Variants in PHACTR2 observed in about 807,000 individuals in gnomAD.
PHACTR2 encodes chromosome 6 open reading frame 56.
In PHACTR2, 30 loss-of-function variants were observed where a neutral mutation model predicts 76.0. That is an observed-to-expected ratio of 0.39 (90% CI 0.30 to 0.54). The LOEUF (loss-of-function observed/expected upper bound fraction) is 0.54, where lower values mean the gene tolerates loss of function less well. PHACTR2 is among the 20% of genes least tolerant of loss of function. The probability of loss-of-function intolerance (pLI) is 0.61; values close to 1 mark genes in which losing one functional copy is unlikely to be tolerated. For synonymous variants in PHACTR2, 292 were observed against 292.5 expected (o/e 1.00, Z 0.02); for missense variants, 696 against 781.1 (o/e 0.89, Z 1.30).
Position 143,663,505 on chromosome 6 carries a change from AT to A in PHACTR2, c.14-48508del, listed in dbSNP as rs751239982. 3.3e-5 allele frequency among the ~76,000 whole-genome samples: 5 copies of A among 151,196 alleles called. No homozygotes were observed. The highest frequency in any genetic ancestry group is 7.4e-5 in the Non-Finnish European group (5 of 67,798). On this transcript the variant is annotated intron_variant, in intron 1 of 11. Coordinates refer to the PHACTR2 transcript ENST00000305766. The surrounding 1 kb of genome is among the most constrained non-coding windows in gnomAD (Gnocchi z 4.1). ...TTATCATTTAATATTGACCTAATTCATTTGTGTGATTATCTTTCCCTGAATA... is the reference window on the plus strand; with the variant it reads ...TTATCATTTAATATTGACCTAATTCATTGTGTGATTATCTTTCCCTGAATA...
chr6:143,584,318 G>A (rs937199564), intron 1 of PHACTR2, among the ~76,000 whole-genome samples: 11 of 152,184 alleles, frequency 7.2e-5, no homozygotes, highest in African/African-American at 4.8e-5. Context: ...TTGCGTCTCC[G>A]AGTGTTGGAT....
intron 6 of PHACTR2, among the ~76,000 whole-genome samples, chr6:143,766,887 T>G (rs1779575213): frequency 6.6e-6 from 1 of 152,222 alleles, no homozygotes; most frequent in South Asian, 2.1e-4. Flanking sequence ...CAATGATAAA[T>G]TCTGTCTGGC....
intron 2 of PHACTR2, among the ~76,000 whole-genome samples, chr6:143,746,472 G>A (rs1373575170): frequency 6.6e-6 from 1 of 152,174 alleles, no homozygotes; most frequent in Non-Finnish European, 1.5e-5. Flanking sequence ...CGATCCCTAG[G>A]CCAGCGGCAC....
At position 143,596,812 on chromosome 6, in the gene PHACTR2, T is replaced by C. The variant is rs1775760888; in HGVS notation, c.217+59605T>C. On this transcript the variant is annotated intron_variant, in intron 1 of 11. Transcript: ENST00000367584. This position sits in a 1 kb window ranked among gnomAD's most constrained non-coding sequence, Gnocchi z 4.6. ...GTGATCGTGCCACAGCATTCCAGCTTGAGTGACAGAGTGAGACCTCATCTC... is the reference window on the plus strand; with the variant it reads ...GTGATCGTGCCACAGCATTCCAGCTCGAGTGACAGAGTGAGACCTCATCTC... 6.6e-6 allele frequency among the ~76,000 whole-genome samples: 1 copy of C among 152,090 alleles called. No individual in the cohort carries two copies. The highest frequency in any genetic ancestry group is 1.5e-5 in the Non-Finnish European group (1 of 68,010).
chr6:143,682,059 C>A (rs548809768), intron 1 of PHACTR2, among the ~76,000 whole-genome samples: 61 of 152,262 alleles, frequency 4.0e-4, no homozygotes, highest in Middle Eastern at 3.4e-3. Flanking sequence ...GGTTCCCTTA[C>A]ATTTTCATAT....
At position 143,656,173 on chromosome 6, in the gene PHACTR2, T is replaced by C. The variant is rs1562260963; in HGVS notation, c.13+47851T>C. ...GGCGCAGAGACTTCTAGCAGGGTTG[T>C]CTGGTGGGACATGCCCTGGGATATG... On this transcript the variant is annotated intron_variant, in intron 1 of 11. Coordinates refer to the PHACTR2 transcript ENST00000305766. The surrounding 1 kb of genome is among the most constrained non-coding windows in gnomAD (Gnocchi z 5.3). 6.6e-6 allele frequency among the ~76,000 whole-genome samples: 1 copy of C among 152,204 alleles called. No individual in the cohort carries two copies. Among genetic ancestry groups the C allele is most frequent in the African/African-American group, 2.4e-5 (1 of 41,452 alleles).
At position 143,784,837 on chromosome 6, in the gene PHACTR2, A is replaced by T. The variant is rs570178465; in HGVS notation, c.1707+1557A>T. ...ACTGGAAACCCCTGATAAACACATC[A>T]GATCTTGTGAGACTTTTTGACTATC... On this transcript the variant is annotated intron_variant, in intron 10 of 12. Coordinates refer to ENST00000440869, the MANE Select transcript of PHACTR2 (RefSeq NM_001100164.2). The surrounding 1 kb of genome is among the most constrained non-coding windows in gnomAD (Gnocchi z 4.5). 6.6e-6 allele frequency among the ~76,000 whole-genome samples: 1 copy of T among 152,328 alleles called. No individual in the cohort carries two copies. The highest frequency in any genetic ancestry group is 2.1e-4 in the South Asian group (1 of 4,822).
intron 1 of PHACTR2, among the ~76,000 whole-genome samples, chr6:143,575,687 C>T (rs1006288287): frequency 1.3e-5 from 2 of 152,198 alleles, no homozygotes; most frequent in Admixed American, 6.5e-5. Context: ...GTACTAAAGT[C>T]CTTGAGAAGC....
chr6:143,677,159 A>G (rs765986246), upstream of PHACTR2, among the ~76,000 whole-genome samples: 1 of 152,134 alleles, frequency 6.6e-6, no homozygotes, highest in Non-Finnish European at 1.5e-5. Flanking sequence ...ACATCCAGTA[A>G]CCACCATCCA....
chr6:143,559,649 A>T (rs1436974674), intron 1 of PHACTR2, among the ~76,000 whole-genome samples: 1 of 143,056 alleles, frequency 7.0e-6, no homozygotes, highest in African/African-American at 2.6e-5. Flanking sequence ...TTATTTTCTA[A>T]TACTAGAAAT....
rs76978653 is a variant in PHACTR2 at position 143,807,782 on chromosome 6, G to A, written c.1922+649G>A. Among the ~76,000 whole-genome samples the A allele has an allele frequency of 0.014, 2,159 of 152,172 alleles. 49 individuals carry two copies. Among genetic ancestry groups the A allele is most frequent in the African/African-American group, 0.048 (1,990 of 41,494 alleles). On this transcript the variant is annotated intron_variant, in intron 12 of 12. Coordinates refer to ENST00000440869, the MANE Select transcript of PHACTR2 (RefSeq NM_001100164.2). This position sits in a 1 kb window ranked among gnomAD's most constrained non-coding sequence, Gnocchi z 5.5. ...TACCATTTTTCCCTCAGTCCCTTTC[G>A]GTTTCTTTCACAGGTTACCTAACCC...
chr6:143,572,483 A>G (rs370434234), intron 1 of PHACTR2, among the ~76,000 whole-genome samples: 14 of 152,270 alleles, frequency 9.2e-5, no homozygotes, highest in African/African-American at 3.4e-4. Flanking sequence ...TTTATTATAG[A>G]TTGATTCATA....
chr6:143,752,175 T>C (rs995115343), intron 3 of PHACTR2, among the ~76,000 whole-genome samples: 1 of 152,116 alleles, frequency 6.6e-6, no homozygotes, highest in African/African-American at 2.4e-5. Flanking sequence ...ATGCTTAAAA[T>C]AGAATTAAAT....
In PHACTR2 at chr6:143,779,637, C is replaced by T. The variant is rs901476282; in HGVS notation, c.1645+2254C>T. On this transcript the variant is annotated intron_variant, in intron 9 of 12. Coordinates refer to ENST00000440869, the MANE Select transcript of PHACTR2 (RefSeq NM_001100164.2). ...TGCTGGGATTACGGGTGTAAGCCACCGTGCCCGGCCCTAACTAGGGCATCT... is the reference window on the plus strand; with the variant it reads ...TGCTGGGATTACGGGTGTAAGCCACTGTGCCCGGCCCTAACTAGGGCATCT... 4.6e-5 allele frequency among the ~76,000 whole-genome samples: 7 copies of T among 152,144 alleles called. 1 individual carries two copies. Among genetic ancestry groups the T allele is most frequent in the Middle Eastern group, 6.8e-3 (2 of 294 alleles).
rs1779225420 is a variant in PHACTR2, at chr6:143,753,275, T to C, written c.296-479T>C. 6.6e-6 allele frequency among the ~76,000 whole-genome samples: 1 copy of C among 152,220 alleles called. No homozygotes were observed. Among genetic ancestry groups the C allele is most frequent in the South Asian group, 2.1e-4 (1 of 4,836 alleles). ...TATACTTAATATATTCTGGAACCAG[T>C]AGTACTTGGAAATTTTCATATTCTC... On this transcript the variant is annotated intron_variant, in intron 3 of 12. Coordinates refer to ENST00000440869, the MANE Select transcript of PHACTR2 (RefSeq NM_001100164.2). This position sits in a 1 kb window ranked among gnomAD's most constrained non-coding sequence, Gnocchi z 4.6.
At chr6:143,655,930 C>T (rs768058540) in intron 1 of PHACTR2, among the ~76,000 whole-genome samples, 14 of 152,266 alleles carry the variant, frequency 9.2e-5, no homozygotes, top group South Asian at 4.1e-4. Flanking sequence ...AGAAAACAGA[C>T]GGGCAGCAGA....
At chr6:143,540,565 A>G (rs1198538459) in intron 1 of PHACTR2, among the ~76,000 whole-genome samples, 2 of 152,162 alleles carry the variant, frequency 1.3e-5, no homozygotes, top group Non-Finnish European at 2.9e-5. Context: ...CCGTGAGGGT[A>G]CCCCAAGAGA....
intron 12 of PHACTR2, among the ~76,000 whole-genome samples, chr6:143,814,233 G>C (rs1366180878): frequency 6.6e-6 from 1 of 152,134 alleles, no homozygotes; most frequent in African/African-American, 2.4e-5. Flanking sequence ...GTACACATCT[G>C]TAATCCCAGC....
intron 1 of PHACTR2, among the ~76,000 whole-genome samples, chr6:143,640,257 T>C (rs987429899): frequency 6.6e-6 from 1 of 152,234 alleles, no homozygotes; most frequent in Non-Finnish European, 1.5e-5. Flanking sequence ...TTAATCACCA[T>C]TTTAGAGTGT....
Sources: allele counts gnomAD v4.1 joint callset (sites outside exome capture counted in the v4.1 genomes callset), GRCh38; gene constraint gnomAD v4.1.1; non-coding constraint Gnocchi (gnomAD v3.1); transcripts MANE v1.5; gene names NCBI Gene and HGNC (gene_info 2026-07-23, HGNC 2026-07-21).